The following RHOU variants were observed in gnomAD, a reference collection of about 807,000 sequenced individuals.
RHOU encodes ras homolog family member U, also known as rho-related GTP-binding protein RhoU.
RHOU carries 8 observed loss-of-function variants against 12.6 expected under a neutral mutation model. That is an observed-to-expected ratio of 0.64 (90% CI 0.37 to 1.15). RHOU has a LOEUF of 1.15. Among genes scored for constraint, RHOU ranks in the 50% most tolerant of loss-of-function variants. RHOU has a pLI of 0.01. For missense variants in RHOU, 258 were observed against 347.0 expected (o/e 0.74, Z 2.04); for synonymous variants, 161 against 147.4 (o/e 1.09, Z -0.67).
chr1:228,676,125 G>C, the RHOU span, among the ~76,000 whole-genome samples: 1 of 149,870 alleles, frequency 6.7e-6, no homozygotes, highest in Non-Finnish European at 1.5e-5. Flanking sequence ...TATGACTGCT[G>C]TAACCGCCCC....
chr1:228,669,189 C>T, the RHOU span, among the ~76,000 whole-genome samples: 2 of 152,212 alleles, frequency 1.3e-5, no homozygotes, highest in African/African-American at 4.8e-5. Context: ...CCACAAGAAC[C>T]CAGTCCCCCA....
intron 2 of RHOU, among the ~76,000 whole-genome samples, chr1:228,741,027 G>A (rs148015833): frequency 8.8e-4 from 134 of 152,128 alleles, no homozygotes; most frequent in Admixed American, 4.1e-3. Flanking sequence ...TCACTGGAGA[G>A]TTGCCAATAG....
the RHOU span, among the ~76,000 whole-genome samples, chr1:228,653,969 C>T: frequency 6.6e-6 from 1 of 152,020 alleles, no homozygotes. Context: ...AGAATATAGC[C>T]CTGTGCATTG....
chr1:228,665,030 G>T, the RHOU span, among the ~76,000 whole-genome samples: 2 of 152,134 alleles, frequency 1.3e-5, no homozygotes, highest in African/African-American at 4.8e-5. Flanking sequence ...TAATCTTCAT[G>T]AAAACCCTTC....
In RHOU at chr1:228,735,699, C is replaced by G. The variant is rs1352473851; in HGVS notation, c.-44C>G. 1 of 1,190,694 alleles carries G rather than the reference C, an allele frequency of 8.4e-7. No individual in the cohort carries two copies. The highest frequency in any genetic ancestry group is 1.6e-5 in the African/African-American group (1 of 62,406). The allele number at this position is 1,190,694 out of a possible 1,614,324, so 73.8% of individuals were successfully genotyped here. A position where few individuals can be genotyped will look rare whatever the true frequency, so the allele number is the denominator to read the frequency against. ...CTCCGGGGCGGAGGGGCGGTCGGGC[C>G]GGGCCCTGCTAGCCCGCGACCGCAA... On this transcript the variant is annotated 5_prime_UTR_variant, in exon 1 of 3. Coordinates refer to ENST00000366691, the MANE Select transcript of RHOU (RefSeq NM_021205.6). This position sits in a 1 kb window ranked among gnomAD's most constrained non-coding sequence, Gnocchi z 8.1.
At chr1:228,668,927 C>T in the RHOU span, among the ~76,000 whole-genome samples, 2 of 152,212 alleles carry the variant, frequency 1.3e-5, no homozygotes, top group Non-Finnish European at 2.9e-5. Context: ...ATCCCAGGAA[C>T]CCAGGCCAGC....
the RHOU span, among the ~76,000 whole-genome samples, chr1:228,677,112 C>T: frequency 4.8e-4 from 73 of 152,110 alleles, no homozygotes; most frequent in East Asian, 3.9e-4. Flanking sequence ...CTGCTTCAAG[C>T]GGGATTGGGG....
At chr1:228,736,200 A>G (rs1012097955) in intron 1 of RHOU, among the ~76,000 whole-genome samples, 196 bp downstream of exon 1, 7 of 147,608 alleles carry the variant, frequency 4.7e-5, no homozygotes, top group Admixed American at 1.4e-4. Flanking sequence ...AGCTAACACG[A>G]AAGGACCACG....
the RHOU span, among the ~76,000 whole-genome samples, chr1:228,713,886 G>C: frequency 6.6e-6 from 1 of 152,128 alleles, no homozygotes; most frequent in Non-Finnish European, 1.5e-5. Flanking sequence ...TACTCAGCTT[G>C]TGTCTGCTGT....
chr1:228,652,978 T>C, the RHOU span, among the ~76,000 whole-genome samples: 1 of 152,242 alleles, frequency 6.6e-6, no homozygotes, highest in South Asian at 2.1e-4. Flanking sequence ...TACTTATTTT[T>C]AATGGAAATG....
chr1:228,741,846 C>T (rs1199969447), intron 2 of RHOU, among the ~76,000 whole-genome samples: 6 of 152,198 alleles, frequency 3.9e-5, no homozygotes, highest in African/African-American at 1.4e-4. Context: ...AGAAGCCTCA[C>T]AAGTGACATT....
chr1:228,711,831 C>T, the RHOU span, among the ~76,000 whole-genome samples: 78 of 146,644 alleles, frequency 5.3e-4, no homozygotes, highest in African/African-American at 1.7e-3. Flanking sequence ...AACTAAAGAG[C>T]TTCTGCACAG....
the RHOU span, chr1:228,650,632 T>G: frequency 2.2e-6 from 1 of 451,884 alleles, no homozygotes; most frequent in South Asian, 1.6e-5. Context: ...TGAGACCTTC[T>G]TCCAGGGTTG....
chr1:228,650,554 G>T, the RHOU span: 1 of 456,898 alleles, frequency 2.2e-6, no homozygotes, highest in Non-Finnish European at 4.4e-6. Context: ...TGCCCGGCGG[G>T]TTGTCCTCAC....
chr1:228,736,053 C>G lies in RHOU; in HGVS notation c.262+49C>G, dbSNP rs776326542. On this transcript the variant is annotated intron_variant, in intron 1 of 2. Transcript: ENST00000366691. ...CCGGGGGCGCGTGGCCGCGGTCCAC[C>G]CAGGGGAAGGAAGGTGGCGCGAGGG... is the stretch of plus-strand genomic sequence containing the variant. 5 of 1,543,292 alleles carry G rather than the reference C, an allele frequency of 3.2e-6. No individual in the cohort carries two copies. In the South Asian group the frequency reaches 5.8e-5, roughly 18 times the overall value.
chr1:228,692,138 G>T, the RHOU span, among the ~76,000 whole-genome samples: 2 of 152,194 alleles, frequency 1.3e-5, no homozygotes, highest in South Asian at 4.1e-4. Context: ...GGACCACAAG[G>T]TGGTGCCCAA....
At chr1:228,647,756 G>A in the RHOU span, among the ~76,000 whole-genome samples, 1 of 152,192 alleles carries the variant, frequency 6.6e-6, no homozygotes, top group African/African-American at 2.4e-5. Context: ...GAATAGTTGT[G>A]ATGTTGTTGC....
the RHOU span, among the ~76,000 whole-genome samples, chr1:228,717,918 A>G: frequency 0.53 from 80,478 of 152,114 alleles, 24,080 homozygotes; most frequent in African/African-American, 0.84. Context: ...CCCTCCATTA[A>G]CACATTGGAC....
the RHOU span, chr1:228,650,140 T>G: frequency 2.2e-6 from 1 of 448,274 alleles, no homozygotes; most frequent in Admixed American, 2.6e-5. Flanking sequence ...TTAAGATCAA[T>G]GGAAAGCAGA....
Sources: allele counts gnomAD v4.1 joint callset (sites outside exome capture counted in the v4.1 genomes callset), GRCh38; gene constraint gnomAD v4.1.1; non-coding constraint Gnocchi (gnomAD v3.1); transcripts MANE v1.5; gene names NCBI Gene and HGNC (gene_info 2026-07-23, HGNC 2026-07-21).